CACNB2: variants seen among roughly 807,000 people sequenced by gnomAD.
The protein encoded by CACNB2 is voltage-dependent L-type calcium channel subunit beta-2.
A neutral mutation model predicts 73.3 loss-of-function variants in CACNB2; 42 were observed. That is an observed-to-expected ratio of 0.57 (90% confidence interval 0.45 to 0.74). The LOEUF is 0.74. Among genes scored for constraint, CACNB2 ranks in the 30% least tolerant of loss-of-function variants. The probability of loss-of-function intolerance (pLI) is 0.00; values close to 1 mark genes in which losing one functional copy is unlikely to be tolerated. For synonymous variants in CACNB2, 348 were observed against 310.3 expected, an observed-to-expected ratio of 1.12 and a Z score of -1.28; for missense variants, 940 against 853.0, an observed-to-expected ratio of 1.10 and a Z score of -1.27.
chr10:18,498,568 T>C (rs186755412), intron 4 of CACNB2, 91 bp downstream of exon 4: 3 of 1,301,534 alleles, frequency 2.3e-6, no homozygotes, highest in East Asian at 2.3e-5. Context: ...TTCTGTGAAG[T>C]AGCATTGCAC....
At chr10:18,259,416 A>T (rs989796165) in intron 2 of CACNB2, among the ~76,000 whole-genome samples, 4 of 151,870 alleles carry the variant, frequency 2.6e-5, no homozygotes, top group Admixed American at 6.6e-5. Context: ...AAAAATTTTT[A>T]AAATTAGGCT....
intron 2 of CACNB2, among the ~76,000 whole-genome samples, chr10:18,186,840 T>G (rs932358825): frequency 2.0e-5 from 3 of 152,178 alleles, no homozygotes; most frequent in African/African-American, 7.2e-5. Flanking sequence ...ACCATATCAC[T>G]TACTATCATG....
intron 2 of CACNB2, chr10:18,400,876 G>A (rs1303117504): frequency 1.3e-6 from 2 of 1,525,812 alleles, no homozygotes; most frequent in Non-Finnish European, 1.8e-6. Flanking sequence ...GTCCTCTGGG[G>A]CAGGGAGTGA....
intron 2 of CACNB2, among the ~76,000 whole-genome samples, chr10:18,240,283 G>A (rs913962351): frequency 6.6e-6 from 1 of 152,074 alleles, no homozygotes; most frequent in Non-Finnish European, 1.5e-5. Flanking sequence ...CAAAACAATC[G>A]CAGAGTGACT....
chr10:18,347,344 A>ATAT (rs2041503337), intron 2 of CACNB2, among the ~76,000 whole-genome samples: 1 of 120,824 alleles, frequency 8.3e-6, no homozygotes, highest in East Asian at 3.4e-4. Flanking sequence ...TGCCCGTCTA[A>ATAT]TTTTTTTTTT....
chr10:18,532,406 G>C (rs2053121143), intron 10 of CACNB2, among the ~76,000 whole-genome samples: 1 of 152,062 alleles, frequency 6.6e-6, no homozygotes, highest in Non-Finnish European at 1.5e-5. Flanking sequence ...GGGCGCAGTG[G>C]CTCACGCCTG....
At chr10:18,496,785 G>C (rs1451858961) in intron 3 of CACNB2, among the ~76,000 whole-genome samples, 2 of 123,850 alleles carry the variant, frequency 1.6e-5, no homozygotes, top group Non-Finnish European at 3.1e-5. Context: ...TTGCTCTCCA[G>C]CTTGGGCAAC....
chr10:18,402,462 AT>A (rs2044056889), intron 3 of CACNB2, among the ~76,000 whole-genome samples: 1 of 150,792 alleles, frequency 6.6e-6, no homozygotes, highest in African/African-American at 2.4e-5. Flanking sequence ...TTTCCCCTGA[AT>A]TTTACTTCAT....
intron 2 of CACNB2, among the ~76,000 whole-genome samples, chr10:18,362,157 A>G (rs1238348416): frequency 6.6e-6 from 1 of 152,154 alleles, no homozygotes; most frequent in Non-Finnish European, 1.5e-5. Flanking sequence ...TGGTTCACCT[A>G]ATGATTGAAG....
At chr10:18,452,428 AAAT>A (rs1406758523) in intron 3 of CACNB2, among the ~76,000 whole-genome samples, 1 of 152,232 alleles carries the variant, frequency 6.6e-6, no homozygotes, top group Non-Finnish European at 1.5e-5. Flanking sequence ...ACTGTGTCTC[AAAT>A]AATAATAAGT....
intron 3 of CACNB2, among the ~76,000 whole-genome samples, chr10:18,406,400 G>A (rs1487542920): frequency 6.6e-6 from 1 of 152,162 alleles, no homozygotes; most frequent in African/African-American, 2.4e-5. Context: ...AGCCAGACAG[G>A]AAGCTTCATC....
chr10:18,343,661 C>A (rs190614342), intron 2 of CACNB2, among the ~76,000 whole-genome samples: 7 of 152,204 alleles, frequency 4.6e-5, no homozygotes, highest in Non-Finnish European at 7.4e-5. Flanking sequence ...GCTCTGAAAT[C>A]CCAAACTGTG....
At position 18,534,642 on chromosome 10, in the gene CACNB2, T is replaced by G. The variant is rs1170043113; in HGVS notation, c.1206+415T>G. On this transcript the variant is annotated intron_variant, in intron 11 of 13. Coordinates refer to ENST00000324631, the MANE Select transcript of CACNB2 (RefSeq NM_201596.3). Reference sequence around the variant, plus strand: ...TCACCGCCACCATGCTTTCGCAGTTTGAGGGGAAAAAAAGCCAATTTCACT... The same window carrying G: ...TCACCGCCACCATGCTTTCGCAGTTGGAGGGGAAAAAAAGCCAATTTCACT... Among the ~76,000 whole-genome samples the G allele has an allele frequency of 2.6e-5, 4 of 152,212 alleles. No homozygotes were observed. In the East Asian group the frequency reaches 5.8e-4, roughly 22 times the overall value.
At chr10:18,353,054 C>G (rs1188520446) in intron 2 of CACNB2, among the ~76,000 whole-genome samples, 1 of 152,080 alleles carries the variant, frequency 6.6e-6, no homozygotes, top group East Asian at 1.9e-4. Context: ...AATATGATTG[C>G]TATACAATAA....
chr10:18,441,115 A>T (rs1412175565), intron 3 of CACNB2, among the ~76,000 whole-genome samples: 1 of 152,148 alleles, frequency 6.6e-6, no homozygotes, highest in Middle Eastern at 3.2e-3. Context: ...CCAGTTTAAT[A>T]ACCATCCGGC....
chr10:18,225,986 C>G (rs1002011220), intron 2 of CACNB2, among the ~76,000 whole-genome samples: 2 of 151,770 alleles, frequency 1.3e-5, no homozygotes, highest in African/African-American at 4.8e-5. Flanking sequence ...GGCAGGCTAG[C>G]ATGATGAGAG....
intron 2 of CACNB2, among the ~76,000 whole-genome samples, chr10:18,372,588 G>A (rs1262627746): frequency 6.6e-6 from 1 of 152,076 alleles, no homozygotes; most frequent in African/African-American, 2.4e-5. Flanking sequence ...TGTATTTTTA[G>A]TAGAGACAGG....
chr10:18,172,031 C>T (rs987325156), intron 2 of CACNB2, among the ~76,000 whole-genome samples: 2 of 151,980 alleles, frequency 1.3e-5, no homozygotes, highest in Non-Finnish European at 2.9e-5. Context: ...AGTCTAGGAC[C>T]GTGCGGGATT....
At chr10:18,514,956 GTATT>G (rs751262431) in intron 7 of CACNB2, 104 of 1,552,318 alleles carry the variant, frequency 6.7e-5, no homozygotes, top group Non-Finnish European at 6.9e-5. Flanking sequence ...AATTTAGTCA[GTATT>G]TAAACTTCTA....
Sources: allele counts gnomAD v4.1 joint callset (sites outside exome capture counted in the v4.1 genomes callset), GRCh38; gene constraint gnomAD v4.1.1; transcripts MANE v1.5; gene names NCBI Gene and HGNC (gene_info 2026-07-23, HGNC 2026-07-21).